The following VAV1 variants were observed in gnomAD, a reference collection of about 807,000 sequenced individuals.
The protein encoded by VAV1 is vav guanine nucleotide exchange factor 1, also known as proto-oncogene vav.
In VAV1, 33 loss-of-function variants were observed where a neutral mutation model predicts 128.1. The observed-to-expected ratio is 0.26, with a 90% CI of 0.20 to 0.34. The LOEUF is 0.34. VAV1 is among the 10% of genes least tolerant of loss of function. The pLI, the probability that VAV1 is intolerant of heterozygous loss-of-function variation, is 1.00. For missense variants in VAV1, 715 were observed against 1,093.7 expected (o/e 0.65, Z 4.88); for synonymous variants, 394 against 409.8 (o/e 0.96, Z 0.47).
chr19:6,783,731 G>C (rs766794586), intron 1 of VAV1, among the ~76,000 whole-genome samples: 19 of 151,922 alleles, frequency 1.3e-4, no homozygotes, highest in Non-Finnish European at 1.8e-4. Flanking sequence ...GCCTCCCAAA[G>C]TGCTGGGATT....
At position 6,822,412 on chromosome 19, in the gene VAV1, C is replaced by A. The variant is rs376707473; in HGVS notation, c.559-7C>A. The A allele has an allele frequency of 2.6e-6, 4 of 1,558,000 alleles. No homozygotes were observed. The highest frequency in any genetic ancestry group is 3.5e-6 in the Non-Finnish European group (4 of 1,152,682). On this transcript the variant is annotated splice_region_variant and splice_polypyrimidine_tract_variant and intron_variant, in intron 5 of 26. Transcript: ENST00000602142. This position sits in a 1 kb window ranked among gnomAD's most constrained non-coding sequence, Gnocchi z 5.9. ...CCCCCAACACCGGCCTCTCCCCTCG[C>A]TCTCAGCCCAAGATGACAGAGTATG...
At chr19:6,789,690 T>C (rs138934340) in intron 1 of VAV1, among the ~76,000 whole-genome samples, 4,245 of 152,074 alleles carry the variant, frequency 0.028, 193 homozygotes, top group African/African-American at 0.096. Flanking sequence ...CTCCGCATCA[T>C]GGGTTCGAGT....
chr19:6,795,424 G>A (rs548660708), intron 1 of VAV1, among the ~76,000 whole-genome samples: 25 of 152,178 alleles, frequency 1.6e-4, no homozygotes, highest in East Asian at 1.4e-3. Context: ...GACCAGAGGA[G>A]ACAGTTGTAA....
At chr19:6,841,656 A>G (rs867652899) in intron 21 of VAV1, among the ~76,000 whole-genome samples, 1 of 151,460 alleles carries the variant, frequency 6.6e-6, no homozygotes, top group Non-Finnish European at 1.5e-5. Context: ...TTGTATTTTT[A>G]GTAGAGACGG....
intron 22 of VAV1, among the ~76,000 whole-genome samples, chr19:6,843,630 CCTCT>C (rs2144813855): frequency 6.6e-6 from 1 of 152,250 alleles, no homozygotes; most frequent in Admixed American, 6.5e-5. Context: ...ACTTAACCTC[CCTCT>C]GTTTCAGCAT....
chr19:6,833,240 C>G lies in VAV1; in HGVS notation c.1565C>G (p.Ser522Cys), dbSNP rs1240545578. 1.2e-6 allele frequency: 2 copies of G among 1,613,704 alleles called. No individual in the cohort carries two copies. Among genetic ancestry groups the G allele is most frequent in the East Asian group, 2.2e-5 (1 of 44,854 alleles). Residue 522 changes from serine (S) to cysteine (C), a missense_variant, in exon 16 of 27, where the codon TCC becomes TGC. Transcript: ENST00000602142. ...AACGGGCATGACTTCCAGATGTTCT[C>G]CTTTGAGGAGACCACATCCTGCAAG... is the stretch of plus-strand genomic sequence containing the variant. Reference protein sequence around the residue: ...TANGHDFQMFSFEETTSCKAC... With the variant: ...TANGHDFQMFCFEETTSCKAC...
chr19:6,783,017 T>C (rs541369976), intron 1 of VAV1, among the ~76,000 whole-genome samples: 195 of 151,934 alleles, frequency 1.3e-3, no homozygotes, highest in Middle Eastern at 6.8e-3. Flanking sequence ...CGGTTTCTAC[T>C]AAAAATACAT....
In VAV1 at chr19:6,820,587, AG is replaced by A. The variant is rs1292265472; in HGVS notation, c.205-112del. ...AGAAGATAATTCAATTTCATGGAAG[AG>A]GGTCTGTGCTTTCATTTCCCCTCCA... On this transcript the variant is annotated intron_variant, in intron 1 of 26. Coordinates refer to ENST00000602142, the MANE Select transcript of VAV1 (RefSeq NM_005428.4). The surrounding 1 kb of genome is among the most constrained non-coding windows in gnomAD (Gnocchi z 4.4). 4.1e-6 allele frequency: 3 copies of A among 730,198 alleles called. No individual in the cohort carries two copies. In the African/African-American group the frequency reaches 5.2e-5, roughly 13 times the overall value. The allele number at this position is 730,198 out of a possible 1,614,324, so 45.2% of individuals were successfully genotyped here.
chr19:6,817,753 C>T (rs1047360480), intron 1 of VAV1, among the ~76,000 whole-genome samples: 3 of 151,826 alleles, frequency 2.0e-5, no homozygotes, highest in Non-Finnish European at 2.9e-5. Flanking sequence ...GTGGCACCGT[C>T]GTGGCTCACC....
chr19:6,814,659 C>CTTTCTTTCTTTCTTT (rs1568299077), intron 1 of VAV1, among the ~76,000 whole-genome samples: 2 of 35,464 alleles, frequency 5.6e-5, no homozygotes, highest in African/African-American at 4.6e-4. Context: ...TTCCTTCCTT[C>CTTTCTTTCTTTCTTT]CTTCCTTCCT....
chr19:6,772,899 G>A lies in VAV1; in HGVS notation c.92G>A (p.Cys31Tyr). ...HRVTWDGAQV[C>Y]ELAQALRDGV... The stretch of plus-strand genomic sequence containing the variant: ...GTGACCTGGGATGGGGCTCAGGTGT[G>A]TGAACTGGCCCAGGCCCTCCGGGAT... The change falls in exon 1 of 27, where the codon TGT becomes TAT. Residue 31 changes from cysteine (C) to tyrosine (Y), a missense_variant. By Grantham distance (194) the Cys-to-Tyr change is radical (BLOSUM62 -2). Coordinates refer to ENST00000602142, the MANE Select transcript of VAV1 (RefSeq NM_005428.4). This position sits in a 1 kb window ranked among gnomAD's most constrained non-coding sequence, Gnocchi z 4.8. 6.2e-7 allele frequency: 1 copy of A among 1,614,140 alleles called. No individual in the cohort carries two copies. The highest frequency in any genetic ancestry group is 1.3e-5 in the African/African-American group (1 of 75,032).
Position 6,820,692 on chromosome 19 carries a change from C to G in VAV1, c.205-10C>G. 6.2e-7 allele frequency: 1 copy of G among 1,613,310 alleles called. No homozygotes were observed. The highest frequency in any genetic ancestry group is 8.5e-7 in the Non-Finnish European group (1 of 1,179,276). ...TACTGCCCCACCCTCATTTCTCTGTCTCCTCACAGTTCCTGTGCCTTAAGA... is the reference window on the plus strand; with the variant it reads ...TACTGCCCCACCCTCATTTCTCTGTGTCCTCACAGTTCCTGTGCCTTAAGA... On this transcript the variant is annotated splice_polypyrimidine_tract_variant and intron_variant, in intron 1 of 26. Coordinates refer to ENST00000602142, the MANE Select transcript of VAV1 (RefSeq NM_005428.4). The surrounding 1 kb of genome is among the most constrained non-coding windows in gnomAD (Gnocchi z 4.4).
At position 6,853,178 on chromosome 19, in the gene VAV1, G is replaced by A. The variant is rs1972709820; in HGVS notation, c.2332+99G>A. Reference sequence around the variant, plus strand: ...TGACACCCCTTCCAATGGCCTTGCAGAGGTCATATCTGTGCAGTAGCAGGA... The same window carrying A: ...TGACACCCCTTCCAATGGCCTTGCAAAGGTCATATCTGTGCAGTAGCAGGA... On this transcript the variant is annotated intron_variant, in intron 25 of 26. Transcript: ENST00000602142. 4 of 978,620 alleles carry A rather than the reference G, an allele frequency of 4.1e-6. No individual in the cohort carries two copies. The East Asian group carries it at 1.1e-4, about 27-fold the overall frequency. 60.6% of individuals were successfully genotyped at this position (978,620 alleles called of 1,614,324 possible). A position where few individuals can be genotyped will look rare whatever the true frequency, so the allele number is the denominator to read the frequency against.
chr19:6,850,881 A>C, intron 24 of VAV1, 124 bp downstream of exon 24: 1 of 791,238 alleles, frequency 1.3e-6, no homozygotes, highest in South Asian at 1.8e-5. Context: ...ACTACAGTGC[A>C]AGTGACCTTA....
At chr19:6,853,152 T>A in intron 25 of VAV1, 73 bp downstream of exon 25, 1 of 1,368,886 alleles carries the variant, frequency 7.3e-7, no homozygotes, top group Non-Finnish European at 1.0e-6. Context: ...GGGGATGCCA[T>A]TGACACCCCT....
At chr19:6,830,054 T>G in intron 14 of VAV1, 136 bp downstream of exon 14, 3 of 1,373,646 alleles carry the variant, frequency 2.2e-6, no homozygotes, top group Non-Finnish European at 3.0e-6. Context: ...GTGTTTTTTG[T>G]TTGTTTGTTT....
rs999557289 is a variant in VAV1, at chr19:6,798,225, G to A, written c.205-22477G>A. Among the ~76,000 whole-genome samples the A allele has an allele frequency of 3.3e-5, 5 of 151,756 alleles. No homozygotes were observed. The East Asian group carries it at 9.8e-4, about 30-fold the overall frequency. ...CTGGGAGGCGGAGGTTGCAGTGAGCGGAGATCGCATCATTGCACTCCAGCC... is the reference window on the plus strand; with the variant it reads ...CTGGGAGGCGGAGGTTGCAGTGAGCAGAGATCGCATCATTGCACTCCAGCC... On this transcript the variant is annotated intron_variant, in intron 1 of 26. Transcript: ENST00000602142.
intron 1 of VAV1, among the ~76,000 whole-genome samples, chr19:6,783,454 C>T (rs1388639131): frequency 2.0e-5 from 3 of 148,140 alleles, no homozygotes; most frequent in African/African-American, 7.5e-5. Flanking sequence ...CTGGAAGTGG[C>T]GCCATCACCT....
intron 1 of VAV1, among the ~76,000 whole-genome samples, chr19:6,784,475 T>C (rs1318136217): frequency 6.6e-6 from 1 of 150,620 alleles, no homozygotes. Context: ...CACCATCCCT[T>C]TCCATTCCAT....
Sources: gnomAD v4.1 joint callset for allele counts (sites outside exome capture counted in the v4.1 genomes callset) on GRCh38, gnomAD v4.1.1 for gene constraint, Gnocchi (gnomAD v3.1) non-coding constraint, MANE v1.5 for transcripts, NCBI Gene and HGNC (gene_info 2026-07-23, HGNC 2026-07-21) for gene names.